HERC4: variants seen among roughly 807,000 people sequenced by gnomAD.
The protein encoded by HERC4 is probable E3 ubiquitin-protein ligase HERC4.
Under a neutral mutation model 124.3 loss-of-function variants are expected in HERC4, and 28 were observed. That is an observed-to-expected ratio of 0.23 (90% CI 0.17 to 0.31). HERC4 has a LOEUF of 0.31. HERC4 is among the 10% of genes least tolerant of loss of function. HERC4 has a pLI of 1.00. For missense variants in HERC4, 713 were observed against 1,229.3 expected, an observed-to-expected ratio of 0.58 and a Z score of 6.28; for synonymous variants, 407 against 421.5, an observed-to-expected ratio of 0.97 and a Z score of 0.42.
intron 9 of HERC4, chr10:68,010,354 T>C (rs1244147798): frequency 5.3e-6 from 5 of 940,708 alleles, no homozygotes; most frequent in Admixed American, 4.0e-5. Flanking sequence ...CCTGAGGCCA[T>C]AGGAAAGGAC....
chr10:67,952,285 C>G (rs2033845761), intron 19 of HERC4, among the ~76,000 whole-genome samples: 1 of 152,070 alleles, frequency 6.6e-6, no homozygotes, highest in Admixed American at 6.6e-5. Flanking sequence ...TACCTCTATC[C>G]AAACAGCTAA....
intron 6 of HERC4, 66 bp from the exon 7 acceptor site, chr10:68,032,935 T>C: frequency 1.2e-6 from 1 of 829,208 alleles, no homozygotes; most frequent in Non-Finnish European, 2.1e-6. Flanking sequence ...ATGTGTTTCC[T>C]CTACAGCTTG....
At chr10:67,925,919 A>G (rs1190718233) in intron 23 of HERC4, among the ~76,000 whole-genome samples, 1 of 152,206 alleles carries the variant, frequency 6.6e-6, no homozygotes, top group African/African-American at 2.4e-5. Flanking sequence ...AGATGCCTAT[A>G]GCACCAGCCA....
At chr10:68,062,570 A>T (rs1404250820) in intron 3 of HERC4, among the ~76,000 whole-genome samples, 1 of 151,684 alleles carries the variant, frequency 6.6e-6, no homozygotes, top group Non-Finnish European at 1.5e-5. Context: ...TGGTCAACAC[A>T]GTGAAACCCT....
intron 22 of HERC4, among the ~76,000 whole-genome samples, chr10:67,934,745 G>C (rs2032176604): frequency 6.6e-6 from 1 of 152,134 alleles, no homozygotes; most frequent in Non-Finnish European, 1.5e-5. Context: ...CTTGATTCCA[G>C]TGTCTGATGT....
chr10:68,069,214 A>T (rs1025883329), intron 3 of HERC4: 1 of 959,174 alleles, frequency 1.0e-6, no homozygotes, highest in African/African-American at 1.8e-5. Context: ...TTGAAAGTAT[A>T]AAAAAACAAC....
At chr10:67,957,897 T>G (rs1265600627) in intron 16 of HERC4, among the ~76,000 whole-genome samples, 1 of 152,138 alleles carries the variant, frequency 6.6e-6, no homozygotes, top group East Asian at 1.9e-4. Flanking sequence ...AACCTTCGCC[T>G]CTGGGGTTCA....
At chr10:68,068,989 T>C in intron 3 of HERC4, 3 of 942,306 alleles carry the variant, frequency 3.2e-6, no homozygotes, top group South Asian at 4.9e-5. Flanking sequence ...AACTGTTTTT[T>C]AGATAACAGG....
At chr10:68,063,855 C>A (rs1430276006) in intron 3 of HERC4, among the ~76,000 whole-genome samples, 1 of 152,154 alleles carries the variant, frequency 6.6e-6, no homozygotes, top group African/African-American at 2.4e-5. Context: ...AAGAGAATCA[C>A]TTGAACCTGG....
At chr10:68,026,852 ATT>A (rs1564564579) in intron 7 of HERC4, among the ~76,000 whole-genome samples, 25 of 151,872 alleles carry the variant, frequency 1.6e-4, no homozygotes, top group African/African-American at 5.8e-4. Flanking sequence ...AAAAAAAAAA[ATT>A]AGTTAGGCAT....
chr10:68,003,328 ATT>A (rs34287961), intron 9 of HERC4, among the ~76,000 whole-genome samples: 3,144 of 130,786 alleles, frequency 0.024, 39 homozygotes, highest in Middle Eastern at 0.043. Context: ...TGCCTGACTA[ATT>A]TTTTTTTTTT....
At chr10:68,059,778 TATAATATTATATATC>T (rs1564609322) in intron 3 of HERC4, among the ~76,000 whole-genome samples, 1 of 73,624 alleles carries the variant, frequency 1.4e-5, no homozygotes, top group Non-Finnish European at 2.2e-5. Context: ...TATTATATAT[TATAATATTATATATC>T]ATAATATTAT....
At chr10:68,005,645 A>T (rs1457834570) in intron 9 of HERC4, among the ~76,000 whole-genome samples, 4 of 142,484 alleles carry the variant, frequency 2.8e-5, no homozygotes, top group Non-Finnish European at 3.1e-5. Flanking sequence ...TGTGAATGTG[A>T]CTTTCTCTGG....
intron 19 of HERC4, among the ~76,000 whole-genome samples, chr10:67,944,202 A>G (rs1388248849): frequency 6.6e-6 from 1 of 152,230 alleles, no homozygotes; most frequent in Non-Finnish European, 1.5e-5. Flanking sequence ...AGTGGTGTCT[A>G]CAAAGGTGCT....
intron 4 of HERC4, among the ~76,000 whole-genome samples, chr10:68,041,429 C>A (rs1167578031): frequency 6.6e-6 from 1 of 151,886 alleles, no homozygotes; most frequent in Non-Finnish European, 1.5e-5. Context: ...CTATAATGTT[C>A]CAAATTTTCA....
At chr10:67,932,038 A>G (rs1393517433) in intron 23 of HERC4, among the ~76,000 whole-genome samples, 2 of 151,748 alleles carry the variant, frequency 1.3e-5, no homozygotes, top group African/African-American at 4.8e-5. Context: ...GCTCACTGCA[A>G]CCTCCGCCTC....
intron 16 of HERC4, chr10:67,964,825 T>G (rs1378314369): frequency 2.0e-5 from 3 of 151,802 alleles, no homozygotes; most frequent in Non-Finnish European, 4.4e-5. Flanking sequence ...CATGCTGGAG[T>G]GCAATGGTGC....
At chr10:68,038,319 T>C (rs1416204010) in intron 4 of HERC4, 150 bp from the exon 5 acceptor site, 3 of 444,120 alleles carry the variant, frequency 6.8e-6, no homozygotes, top group East Asian at 3.7e-5. Context: ...GTACCAAAAA[T>C]TTATGCTAAA....
chr10:68,015,948 C>T (rs551581269), intron 8 of HERC4, among the ~76,000 whole-genome samples: 5 of 152,054 alleles, frequency 3.3e-5, no homozygotes, highest in African/African-American at 7.2e-5. Context: ...ATTAAAAATA[C>T]AAAAATTAGC....
Sources: gnomAD v4.1 joint callset for allele counts (sites outside exome capture counted in the v4.1 genomes callset) on GRCh38, gnomAD v4.1.1 for gene constraint, MANE v1.5 for transcripts, NCBI Gene and HGNC (gene_info 2026-07-23, HGNC 2026-07-21) for gene names.